The following CELA2B variants were observed in gnomAD, a reference collection of about 807,000 sequenced individuals.
CELA2B encodes chymotrypsin like elastase 2B.
A neutral mutation model predicts 36.5 loss-of-function variants in CELA2B; 27 were observed. The ratio of observed to expected loss-of-function variants is 0.74; its 90% CI spans 0.55 to 1.02. The LOEUF is 1.02. Among genes scored for constraint, CELA2B ranks in the 50% least tolerant of loss-of-function variants. The probability of loss-of-function intolerance (pLI) is 0.00; values close to 1 mark genes in which losing one functional copy is unlikely to be tolerated. For synonymous variants in CELA2B, 143 were observed against 148.5 expected, an observed-to-expected ratio of 0.96 and a Z score of 0.27; for missense variants, 340 against 347.8, an observed-to-expected ratio of 0.98 and a Z score of 0.18.
intron 7 of CELA2B, among the ~76,000 whole-genome samples, chr1:15,489,387 G>C (rs985942724): frequency 6.6e-5 from 10 of 152,240 alleles, no homozygotes; most frequent in Non-Finnish European, 1.0e-4. Flanking sequence ...TGGGAGAGCA[G>C]TCGGGACAGG....
chr1:15,484,502 C>T (rs917344650), intron 5 of CELA2B, among the ~76,000 whole-genome samples: 7 of 152,130 alleles, frequency 4.6e-5, no homozygotes, highest in Non-Finnish European at 1.0e-4. Flanking sequence ...ACATACGTAC[C>T]CTCAAATAAA....
Position 15,481,212 on chromosome 1 carries a change from G to A in CELA2B, c.227+17G>A. On this transcript the variant is annotated intron_variant, in intron 3 of 7. Transcript: ENST00000375910. ...CTGCATCAGGTAACTGCCATTCCCT[G>A]GGCGCTTGGCCTGCTCACCAGCCGG... The A allele has an allele frequency of 6.2e-7, 1 of 1,614,160 alleles. No individual in the cohort carries two copies. Among genetic ancestry groups the A allele is most frequent in the African/African-American group, 1.3e-5 (1 of 75,050 alleles).
In CELA2B at chr1:15,487,282, C is replaced by T. The variant is rs573008151; in HGVS notation, c.640-3C>T. The T allele has an allele frequency of 3.1e-4, 498 of 1,614,110 alleles. 4 individuals carry two copies. In the South Asian group the frequency reaches 5.2e-3, roughly 17 times the overall value. ...AACTCCCTATAACTCTGGCCTTCCT[C>T]AGGGAGACTCCGGTGGGCCGCTGAA... On this transcript the variant is annotated splice_polypyrimidine_tract_variant and splice_region_variant and intron_variant, in intron 6 of 7. Coordinates refer to ENST00000375910, the MANE Select transcript of CELA2B (RefSeq NM_015849.3).
rs369900925 is a variant in CELA2B, at chr1:15,490,605, C to T, written c.793-690C>T. On this transcript the variant is annotated intron_variant, in intron 7 of 7. Coordinates refer to ENST00000375910, the MANE Select transcript of CELA2B (RefSeq NM_015849.3). Reference sequence around the variant, plus strand: ...TTAACAGGCTGGGCGCGGTGGCTCACGCCTGTAATCCGAGCACTTTGGGAA... The same window carrying T: ...TTAACAGGCTGGGCGCGGTGGCTCATGCCTGTAATCCGAGCACTTTGGGAA... 3.3e-4 allele frequency among the ~76,000 whole-genome samples: 50 copies of T among 152,286 alleles called. No homozygotes were observed. In the South Asian group the frequency reaches 5.6e-3, roughly 17 times the overall value.
chr1:15,486,142 C>G, intron 6 of CELA2B, 96 bp downstream of exon 6: 1 of 1,474,606 alleles, frequency 6.8e-7, no homozygotes, highest in Non-Finnish European at 9.2e-7. Flanking sequence ...GTCCATCCTC[C>G]GACCTCCTGG....
intron 5 of CELA2B, among the ~76,000 whole-genome samples, chr1:15,483,864 G>T (rs1708773276): frequency 6.6e-6 from 1 of 151,928 alleles, no homozygotes; most frequent in Non-Finnish European, 1.5e-5. Context: ...AGGAGGCGGA[G>T]GTTGCAGTGA....
Position 15,487,341 on chromosome 1 carries a change from T to C in CELA2B, c.696T>C (p.His232=), listed in dbSNP as rs61742388. The change falls in exon 7 of 8, where the codon CAT becomes CAC. Residue 232 remains histidine (H), a synonymous_variant. Coordinates refer to ENST00000375910, the MANE Select transcript of CELA2B (RefSeq NM_015849.3). The stretch of plus-strand genomic sequence containing the variant: ...CATCTGACGGCCGGTGGGAGGTGCA[T>C]GGCATCGGCAGCCTCACGTCGGTCC... ...CQASDGRWEV[H]GIGSLTSVLG... 4.6e-3 allele frequency: 7,404 copies of C among 1,614,218 alleles called. 75 individuals carry two copies. Among genetic ancestry groups the C allele is most frequent in the African/African-American group, 0.039 (2,903 of 75,056 alleles).
chr1:15,490,865 CAA>C (rs34648160), intron 7 of CELA2B: 1,183 of 119,772 alleles, frequency 9.9e-3, no homozygotes, highest in South Asian at 0.025. Flanking sequence ...AAGACTGTCT[CAA>C]AAAAAAAAAA....
intron 5 of CELA2B, among the ~76,000 whole-genome samples, chr1:15,485,362 G>A (rs963133375): frequency 6.6e-6 from 1 of 150,518 alleles, no homozygotes; most frequent in Non-Finnish European, 1.5e-5. Flanking sequence ...CTAACTGCCA[G>A]GAGGCTCACT....
intron 5 of CELA2B, 100 bp downstream of exon 5, chr1:15,483,500 TGGC>T: frequency 6.4e-7 from 1 of 1,569,706 alleles, no homozygotes; most frequent in Non-Finnish European, 8.7e-7. Flanking sequence ...CCTGGGCATG[TGGC>T]TGCCTTGGAG....
chr1:15,484,627 G>A (rs2103314147), intron 5 of CELA2B, among the ~76,000 whole-genome samples: 1 of 152,224 alleles, frequency 6.6e-6, no homozygotes, highest in South Asian at 2.1e-4. Context: ...ACAACCACCT[G>A]TTTGTTTCCC....
chr1:15,488,227 G>T (rs1490573200), intron 7 of CELA2B, among the ~76,000 whole-genome samples: 7 of 150,752 alleles, frequency 4.6e-5, no homozygotes, highest in African/African-American at 1.7e-4. Context: ...TCTTTACAAA[G>T]ATTTTTTTTT....
At chr1:15,479,699 G>A (rs374183057) in intron 2 of CELA2B, among the ~76,000 whole-genome samples, 5 of 152,306 alleles carry the variant, frequency 3.3e-5, no homozygotes, top group South Asian at 2.1e-4. Flanking sequence ...GAGCGTGCAC[G>A]CATGTGTGTG....
At chr1:15,485,358 G>T (rs1265118940) in intron 5 of CELA2B, among the ~76,000 whole-genome samples, 1 of 151,270 alleles carries the variant, frequency 6.6e-6, no homozygotes, top group Non-Finnish European at 1.5e-5. Context: ...GGCTCTAACT[G>T]CCAGGAGGCT....
At chr1:15,484,741 T>C (rs1708783686) in intron 5 of CELA2B, among the ~76,000 whole-genome samples, 1 of 152,188 alleles carries the variant, frequency 6.6e-6, no homozygotes, top group Non-Finnish European at 1.5e-5. Context: ...GGTGAAACCT[T>C]GGGCAAGCCA....
chr1:15,486,429 AGAT>A (rs1260678263), intron 6 of CELA2B, among the ~76,000 whole-genome samples: 1 of 152,196 alleles, frequency 6.6e-6, no homozygotes, highest in Admixed American at 6.5e-5. Context: ...CAGTGAGCTG[AGAT>A]GATGCCACTG....
intron 7 of CELA2B, 140 bp downstream of exon 7, chr1:15,487,577 C>A: frequency 1.7e-6 from 2 of 1,168,432 alleles, no homozygotes; most frequent in East Asian, 2.4e-5. Context: ...GGCTGCAGAC[C>A]TTGGCAACTG....
At chr1:15,482,415 C>G (rs758763592) in intron 4 of CELA2B, 22 bp downstream of exon 4, 128 of 1,613,564 alleles carry the variant, frequency 7.9e-5, no homozygotes, top group Admixed American at 1.5e-4. Context: ...TCTGGGTGCA[C>G]TTGGGGGTGA....
At chr1:15,477,296 A>G (rs1427417180) in intron 2 of CELA2B, among the ~76,000 whole-genome samples, 3 of 152,242 alleles carry the variant, frequency 2.0e-5, no homozygotes, top group Admixed American at 2.0e-4. Flanking sequence ...TTGATATAAT[A>G]GTGATATTAA....
Sources: allele counts gnomAD v4.1 joint callset (sites outside exome capture counted in the v4.1 genomes callset), GRCh38; gene constraint gnomAD v4.1.1; transcripts MANE v1.5; gene names NCBI Gene and HGNC (gene_info 2026-07-23, HGNC 2026-07-21).